Variants in CSF1R observed in about 807,000 individuals in gnomAD.
CSF1R encodes colony stimulating factor 1 receptor.
In CSF1R, 40 loss-of-function variants were observed where a neutral mutation model predicts 110.0. The observed-to-expected ratio is 0.36, with a 90% CI of 0.28 to 0.47. The LOEUF is 0.47. Among genes scored for constraint, CSF1R ranks in the 20% least tolerant of loss-of-function variants. The pLI, the probability that CSF1R is intolerant of heterozygous loss-of-function variation, is 0.99. For synonymous variants in CSF1R, 523 were observed against 503.4 expected (o/e 1.04, Z -0.52); for missense variants, 1,052 against 1,253.0 (o/e 0.84, Z 2.42).
Position 150,060,902 on chromosome 5 carries a change from G to C in CSF1R, c.1929C>G (p.His643Gln). Residue 643 changes from histidine to glutamine, a missense_variant, in exon 13 of 21, where the codon CAC (histidine) becomes CAG (glutamine). By Grantham distance (24) the His-to-Gln change is conservative (BLOSUM62 0). Coordinates refer to ENST00000675795, the MANE Select transcript of CSF1R (RefSeq NM_001288705.3). ...ELKIMSHLGQ[H>Q]ENIVNLLGAC... ...CTCCCAGAAGGTTGACGATGTTCTCGTGCTGGCCCAGGTGGCTCATGATCT... is the reference window on the plus strand; with the variant it reads ...CTCCCAGAAGGTTGACGATGTTCTCCTGCTGGCCCAGGTGGCTCATGATCT... 6.2e-7 allele frequency: 1 copy of C among 1,611,462 alleles called. No individual in the cohort carries two copies. Among genetic ancestry groups the C allele is most frequent in the Non-Finnish European group, 8.5e-7 (1 of 1,178,880 alleles).
chr5:150,108,237 G>A (rs746130384), intron 1 of CSF1R, among the ~76,000 whole-genome samples: 3 of 152,230 alleles, frequency 2.0e-5, no homozygotes, highest in Non-Finnish European at 2.9e-5. Flanking sequence ...ATCATTTTCA[G>A]CTGAAGAATG....
chr5:150,069,820 CA>C, intron 9 of CSF1R, 52 bp downstream of exon 9: 1 of 1,370,756 alleles, frequency 7.3e-7, no homozygotes, highest in African/African-American at 2.3e-5. Context: ...CCTAAAGGAG[CA>C]GGGGCGGGGG....
At chr5:150,069,034 AAC>A (rs1479808246) in intron 9 of CSF1R, among the ~76,000 whole-genome samples, 2 of 152,248 alleles carry the variant, frequency 1.3e-5, no homozygotes, top group South Asian at 2.1e-4. Flanking sequence ...CAAAGAGCTT[AAC>A]ACAGTGCCTG....
chr5:150,075,512 C>T lies in CSF1R; in HGVS notation c.889+1764G>A, dbSNP rs554844645. ...CTCCAAAATGGCCGCATGGCTTGCT[C>T]CTTCAGCAATTTAAGCCTTTGCTCA... is the stretch of plus-strand genomic sequence containing the variant. On this transcript the variant is annotated intron_variant, in intron 5 of 20. Transcript: ENST00000675795. 9.2e-5 allele frequency among the ~76,000 whole-genome samples: 14 copies of T among 152,366 alleles called. No individual in the cohort carries two copies. The South Asian group carries it at 2.9e-3, about 32-fold the overall frequency.
chr5:150,063,240 C>T (rs1211336345), intron 10 of CSF1R, among the ~76,000 whole-genome samples: 2 of 152,148 alleles, frequency 1.3e-5, no homozygotes, highest in African/African-American at 4.8e-5. Flanking sequence ...CTCGTGAGCT[C>T]AAGCAGTTTG....
Position 150,073,454 on chromosome 5 carries a change from ATGAGGTTC to A in CSF1R, c.921_928del (p.Gln307HisfsTer26). On this transcript the variant is annotated frameshift_variant, in exon 6 of 21. Transcript: ENST00000675795. LOFTEE classifies it high-confidence loss of function. ...CCCCTCCCCCACGGTCACCTCCTGG[ATGAGGTTC>A]TGCTCAGAGCTCAAGTTCAAGTAGG... 4 of 1,614,096 alleles carry A rather than the reference ATGAGGTTC, an allele frequency of 2.5e-6. No individual in the cohort carries two copies. Among genetic ancestry groups the A allele is most frequent in the Non-Finnish European group, 3.4e-6 (4 of 1,179,994 alleles).
Position 150,080,317 on chromosome 5 carries a change from G to A in CSF1R, c.327C>T (p.Asn109=), listed in dbSNP as rs781316589. The A allele has an allele frequency of 7.4e-6, 12 of 1,613,306 alleles. No homozygotes were observed. Among genetic ancestry groups the A allele is most frequent in the African/African-American group, 4.0e-5 (3 of 74,918 alleles). The part of the protein sequence containing the change: ...LYVKDPARPW[N]VLAQEVVVFE... ...ACACGACCACCTCCTGTGCTAGCAC[G>A]TTCCAGGGCCGGGCAGGGTCTAGAG... The change falls in exon 3 of 21, where the codon AAC becomes AAT. Residue 109 remains asparagine (N), a synonymous_variant. Coordinates refer to ENST00000675795, the MANE Select transcript of CSF1R (RefSeq NM_001288705.3).
At chr5:150,074,420 G>A (rs1339101272) in intron 5 of CSF1R, among the ~76,000 whole-genome samples, 3 of 150,894 alleles carry the variant, frequency 2.0e-5, no homozygotes, top group South Asian at 2.1e-4. Context: ...CGATTCTCCG[G>A]CCTCAGCCTC....
At position 150,079,874 on chromosome 5, in the gene CSF1R, C is replaced by T. The variant is rs78183615; in HGVS notation, c.592+178G>A. Among the ~76,000 whole-genome samples the T allele has an allele frequency of 5.6e-4, 85 of 152,306 alleles. 1 individual carries two copies. In the East Asian group the frequency reaches 0.016, roughly 28 times the overall value. The stretch of plus-strand genomic sequence containing the variant: ...TCACATGTGGTTTGTCTCCCTGCCC[C>T]GACACCTTGTCAGTCCTGCCCCATA... On this transcript the variant is annotated intron_variant, in intron 3 of 20. Transcript: ENST00000675795.
In CSF1R at chr5:150,068,311, C is replaced by T. The variant is rs780620310; in HGVS notation, c.1530G>A (p.Pro510=). ...PISAGAHTHP[P]DEFLFTPVVV... ...CCACTGGTGTGAAGAGGAACTCATC[C>T]GGGGGATGCGTGTGGGCTCCTGGAA... The change falls in exon 10 of 21, where the codon CCG becomes CCA. Residue 510 remains proline, a synonymous_variant. Coordinates refer to ENST00000675795, the MANE Select transcript of CSF1R (RefSeq NM_001288705.3). The T allele has an allele frequency of 1.3e-5, 21 of 1,612,536 alleles. No individual in the cohort carries two copies. Among genetic ancestry groups the T allele is most frequent in the South Asian group, 9.9e-5 (9 of 91,012 alleles).
intron 1 of CSF1R, among the ~76,000 whole-genome samples, chr5:150,109,189 G>A (rs1759645657): frequency 6.6e-6 from 1 of 152,086 alleles, no homozygotes; most frequent in East Asian, 1.9e-4. Context: ...GGGAAGGTAG[G>A]AGCAGGGAGG....
chr5:150,086,252 GCAGTC>G (rs1437266199), intron 1 of CSF1R, 122 bp downstream of exon 1: 2 of 861,650 alleles, frequency 2.3e-6, no homozygotes, highest in Non-Finnish European at 3.7e-6. Flanking sequence ...CCACAAGCCT[GCAGTC>G]CAGTGTTGGG....
At position 150,077,407 on chromosome 5, in the gene CSF1R, T is replaced by C. The variant is rs1758315730; in HGVS notation, c.758A>G (p.His253Arg). ...KLAIPQQSDF[H>R]NNRYQKVLTL... ...CAGGACTTTTTGGTAACGGTTATTATGAAAGTCAGATTGTTGAGGGATTGC... is the reference window on the plus strand; with the variant it reads ...CAGGACTTTTTGGTAACGGTTATTACGAAAGTCAGATTGTTGAGGGATTGC... The change falls in exon 5 of 21, where the codon CAT (histidine) becomes CGT (arginine). Residue 253 changes from histidine (H) to arginine (R), a missense_variant. His to Arg is a conservative substitution (Grantham distance 29). This residue lies in a region of CSF1R where 693 missense variants were observed against 735.4 expected (regional missense o/e 0.94). Transcript: ENST00000675795. 1 of 1,613,462 alleles carries C rather than the reference T, an allele frequency of 6.2e-7. No individual in the cohort carries two copies. Among genetic ancestry groups the C allele is most frequent in the African/African-American group, 1.3e-5 (1 of 74,900 alleles).
chr5:150,099,438 A>C (rs1233155967), intron 1 of CSF1R, among the ~76,000 whole-genome samples: 1 of 152,212 alleles, frequency 6.6e-6, no homozygotes, highest in Non-Finnish European at 1.5e-5. Flanking sequence ...CAAATGTTTT[A>C]GTGGCTTTAT....
At chr5:150,095,209 T>G (rs1759186922) in intron 1 of CSF1R, among the ~76,000 whole-genome samples, 1 of 151,452 alleles carries the variant, frequency 6.6e-6, no homozygotes, top group Non-Finnish European at 1.5e-5. Context: ...TGTAACACCC[T>G]TCTCCCAGTT....
chr5:150,096,188 G>A (rs1482356322), intron 1 of CSF1R, among the ~76,000 whole-genome samples: 2 of 152,112 alleles, frequency 1.3e-5, no homozygotes, highest in South Asian at 2.1e-4. Context: ...TCAGAAGTTC[G>A]AGACCAGCCT....
chr5:150,058,085 T>G (rs532129752), intron 14 of CSF1R: 1 of 385,274 alleles, frequency 2.6e-6, no homozygotes, highest in East Asian at 7.2e-5. Flanking sequence ...TTCACAGATT[T>G]AAATCTCCCC....
chr5:150,070,323 C>A, intron 7 of CSF1R, 21 bp from the exon 8 acceptor site: 1 of 1,610,798 alleles, frequency 6.2e-7, no homozygotes, highest in Non-Finnish European at 8.5e-7. Context: ...AAGGAGGAGG[C>A]CCCAAGTCAC....
intron 1 of CSF1R, chr5:150,094,858 G>C: frequency 8.1e-7 from 1 of 1,234,452 alleles, no homozygotes; most frequent in Non-Finnish European, 1.1e-6. Context: ...GGCATCATCT[G>C]CGTGGAGGAT....
Sources: gnomAD v4.1 joint callset for allele counts (sites outside exome capture counted in the v4.1 genomes callset) on GRCh38, gnomAD v4.1.1 for gene constraint, gnomAD v4.1.1 regional missense constraint, MANE v1.5 for transcripts, NCBI Gene and HGNC (gene_info 2026-07-23, HGNC 2026-07-21) for gene names.